Variants in SARAF observed in about 807,000 individuals in gnomAD.
SARAF encodes the protein store-operated calcium entry associated regulatory factor.
SARAF carries 23 observed loss-of-function variants against 39.7 expected under a neutral mutation model. That is an observed-to-expected ratio of 0.58 (90% CI 0.42 to 0.82). The LOEUF is 0.82. Ranked by LOEUF, SARAF falls within the 40% of genes least tolerant of loss-of-function variation. The pLI, the probability that SARAF is intolerant of heterozygous loss-of-function variation, is 0.00. For synonymous variants in SARAF, 175 were observed against 168.5 expected (o/e 1.04, Z -0.30); for missense variants, 384 against 418.5 (o/e 0.92, Z 0.72).
At position 30,066,074 on chromosome 8, in the gene SARAF, C is replaced by T. The variant is rs1247783917; in HGVS notation, c.908G>A (p.Trp303Ter). The T allele has an allele frequency of 6.2e-7, 1 of 1,614,078 alleles. No homozygotes were observed. ...PSYPPSYPGT[W>*]NRAYSPLHGG... is the part of the protein sequence containing the mutation. Reference sequence around the variant, plus strand: ...ATGAAGGGGTGAGTAAGCCCTATTCCACGTGCCAGGGTAGGAGGGAGGATA... The same window carrying T: ...ATGAAGGGGTGAGTAAGCCCTATTCTACGTGCCAGGGTAGGAGGGAGGATA... The change falls in exon 5 of 6, where the codon TGG becomes TAG. Residue 303 changes from tryptophan (W) to a stop codon, truncating the protein, a stop_gained. Transcript: ENST00000256255. LOFTEE classifies it high-confidence loss of function.
chr8:30,078,324 C>T (rs896251027), intron 1 of SARAF: 3 of 427,660 alleles, frequency 7.0e-6, no homozygotes, highest in African/African-American at 6.3e-5. Flanking sequence ...AGTTCCCACA[C>T]TGAAGGACTT....
chr8:30,069,926 G>A lies in SARAF; in HGVS notation c.416C>T (p.Thr139Ile), dbSNP rs1461587358. ...CTTCAGTTTCTGCAGGCCAAGTTCT[G>A]TATAATCTAAATTATACTCCAAGCC... is the stretch of plus-strand genomic sequence containing the variant. ...SCGLEYNLDYTELGLQKLKES... is the reference protein window; with the variant it reads ...SCGLEYNLDYIELGLQKLKES... The change falls in exon 3 of 6, where the codon ACA (threonine) becomes ATA (isoleucine). Residue 139 changes from threonine (T) to isoleucine (I), a missense_variant. Coordinates refer to ENST00000256255, the MANE Select transcript of SARAF (RefSeq NM_016127.6). The A allele has an allele frequency of 1.2e-6, 2 of 1,613,826 alleles. No homozygotes were observed. The highest frequency in any genetic ancestry group is 1.7e-6 in the Non-Finnish European group (2 of 1,180,048).
At position 30,066,048 on chromosome 8, in the gene SARAF, C is replaced by G. The variant is rs761352075; in HGVS notation, c.934G>C (p.Gly312Arg). The G allele has an allele frequency of 4.3e-6, 7 of 1,613,938 alleles. No individual in the cohort carries two copies. The highest frequency in any genetic ancestry group is 4.2e-6 in the Non-Finnish European group (5 of 1,180,030). The change falls in exon 5 of 6, where the codon GGA (glycine) becomes CGA (arginine). Residue 312 changes from glycine to arginine, a missense_variant. Physicochemically the swap from Gly to Arg is moderately radical, Grantham distance 125. Coordinates refer to ENST00000256255, the MANE Select transcript of SARAF (RefSeq NM_016127.6). Reference sequence around the variant, plus strand: ...CATACCGAATAGCTGCCCGAGCCTCCATGAAGGGGTGAGTAAGCCCTATTC... The same window carrying G: ...CATACCGAATAGCTGCCCGAGCCTCGATGAAGGGGTGAGTAAGCCCTATTC... The part of the protein sequence containing the change: ...TWNRAYSPLH[G>R]GSGSYSVCSN...
chr8:30,073,162 A>T (rs952588632), intron 2 of SARAF, among the ~76,000 whole-genome samples: 22 of 152,362 alleles, frequency 1.4e-4, no homozygotes, highest in African/African-American at 4.3e-4. Context: ...GTTGTATCAA[A>T]CAAGAATATC....
At chr8:30,082,386 A>G (rs1039242934) in intron 1 of SARAF, 3 of 154,036 alleles carry the variant, frequency 1.9e-5, no homozygotes, top group African/African-American at 7.3e-5. Context: ...CAGACCTGCG[A>G]GGTCTGCAGC....
In SARAF at chr8:30,075,991, C is replaced by CA. The variant is rs1300124776; in HGVS notation, c.104-1937dup. On this transcript the variant is annotated intron_variant, in intron 1 of 5. Transcript: ENST00000256255. ...ACATAACAGAATCCCTAAAAAAAAA[C>CA]AAAAAAAAAAAAACAAAAAACGGGA... is the stretch of plus-strand genomic sequence containing the variant. Among the ~76,000 whole-genome samples the CA allele has an allele frequency of 1.3e-3, 39 of 31,006 alleles. 1 individual carries two copies. Among genetic ancestry groups the CA allele is most frequent in the African/African-American group, 3.2e-3 (33 of 10,448 alleles). The allele number at this position is 31,006 out of a possible 152,430, so 20.3% of individuals were successfully genotyped here. A position where few individuals can be genotyped will look rare whatever the true frequency, so the allele number is the denominator to read the frequency against.
At chr8:30,073,776 G>C in intron 2 of SARAF, 101 bp downstream of exon 2, 1 of 1,016,180 alleles carries the variant, frequency 9.8e-7, no homozygotes, top group Non-Finnish European at 1.4e-6. Flanking sequence ...GCTGATCTGA[G>C]ATTTCCGTAG....
chr8:30,080,392 G>A (rs916713733), intron 1 of SARAF, among the ~76,000 whole-genome samples: 4 of 152,162 alleles, frequency 2.6e-5, no homozygotes, highest in Non-Finnish European at 5.9e-5. Context: ...CAGGTTTCCA[G>A]TCAAATGTCA....
In SARAF at chr8:30,063,279, T is replaced by C. The variant is rs539665773; in HGVS notation, c.*609A>G. 1 of 152,470 alleles carries C rather than the reference T, an allele frequency of 6.6e-6. No individual in the cohort carries two copies. Among genetic ancestry groups the C allele is most frequent in the Admixed American group, 6.5e-5 (1 of 15,314 alleles). 9.4% of individuals were successfully genotyped at this position (152,470 alleles called of 1,614,324 possible). ...AAGCATTTTTGCCAGCACAGAGTCA[T>C]TCACAACAACCTTCTAGATGCTTAT... is the stretch of plus-strand genomic sequence containing the variant. On this transcript the variant is annotated 3_prime_UTR_variant, in exon 6 of 6. Coordinates refer to ENST00000256255, the MANE Select transcript of SARAF (RefSeq NM_016127.6).
chr8:30,070,189 C>A, intron 2 of SARAF, 130 bp from the exon 3 acceptor site: 2 of 784,840 alleles, frequency 2.5e-6, no homozygotes, highest in Non-Finnish European at 2.0e-6. Flanking sequence ...GCGGGTGGAT[C>A]ACGCGGTCAG....
intron 3 of SARAF, among the ~76,000 whole-genome samples, chr8:30,068,618 G>C (rs1387717328): frequency 3.4e-5 from 5 of 145,998 alleles, no homozygotes; most frequent in Admixed American, 2.8e-4. Flanking sequence ...CACAAAGCTG[G>C]TCCCTGGTGC....
At chr8:30,078,338 T>C (rs1250830149) in intron 1 of SARAF, 3 of 420,978 alleles carry the variant, frequency 7.1e-6, no homozygotes, top group African/African-American at 2.1e-5. Flanking sequence ...AGGACTTGAG[T>C]TGTCATACTG....
Position 30,064,557 on chromosome 8 carries a change from ATATATTTTTTT to A in SARAF, c.995-655_995-645del, listed in dbSNP as rs1342770702. 3.0e-4 allele frequency among the ~76,000 whole-genome samples: 15 copies of A among 50,652 alleles called. 1 individual carries two copies. The highest frequency in any genetic ancestry group is 2.4e-3 in the Admixed American group (8 of 3,304). The allele number at this position is 50,652 out of a possible 152,430, so 33.2% of individuals were successfully genotyped here. A position where few individuals can be genotyped will look rare whatever the true frequency, so the allele number is the denominator to read the frequency against. On this transcript the variant is annotated intron_variant, in intron 5 of 5. Transcript: ENST00000256255. ...GCCATATATATATATATATATATAT[ATATATTTTTTT>A]TTTTTTTTTTTGAGACAGAGTTTTG... is the stretch of plus-strand genomic sequence containing the variant.
Position 30,063,013 on chromosome 8 carries a change from A to ACTTT in SARAF, c.*871_*874dup, listed in dbSNP as rs1801593917. On this transcript the variant is annotated 3_prime_UTR_variant, in exon 6 of 6. Coordinates refer to ENST00000256255, the MANE Select transcript of SARAF (RefSeq NM_016127.6). ...TTAGGGAGACAGAACTTCTGCATGA[A>ACTTT]CTTTCCCCTTTGGGAAAAAGGGTTT... is the stretch of plus-strand genomic sequence containing the variant. 6.6e-6 allele frequency: 1 copy of ACTTT among 152,196 alleles called. No individual in the cohort carries two copies. 9.4% of individuals were successfully genotyped at this position (152,196 alleles called of 1,614,324 possible).
chr8:30,073,880 T>C lies in SARAF; in HGVS notation c.279A>G (p.Val93=), dbSNP rs1160450896. The change falls in exon 2 of 6, where the codon GTA becomes GTG. Residue 93 remains valine, a synonymous_variant. Transcript: ENST00000256255. ...CQNKGWDGYD[V]QWECKTDLDI... ...CCATTACTGTAGTGGATATTACCTG[T>C]ACATCATACCCATCCCAGCCTTTGT... The C allele has an allele frequency of 1.2e-6, 2 of 1,613,896 alleles. No individual in the cohort carries two copies. The highest frequency in any genetic ancestry group is 1.7e-6 in the Non-Finnish European group (2 of 1,179,752).
chr8:30,063,910 T>C lies in SARAF; in HGVS notation c.998A>G (p.Tyr333Cys), dbSNP rs1339629855. 2 of 1,609,080 alleles carry C rather than the reference T, an allele frequency of 1.2e-6. No homozygotes were observed. The highest frequency in any genetic ancestry group is 1.7e-6 in the Non-Finnish European group (2 of 1,178,114). Residue 333 changes from tyrosine (Y) to cysteine (C), a missense_variant, in exon 6 of 6, where the codon TAT (tyrosine) becomes TGT (cysteine). Transcript: ENST00000256255. Reference protein sequence around the residue: ...SDTKTRTASGYGGTRRR With the variant: ...SDTKTRTASGCGGTRRR Reference sequence around the variant, plus strand: ...ACTTTATCGTCTCCTGGTACCACCATATCCTAGAATGAGAGGGGTAAAATT... The same window carrying C: ...ACTTTATCGTCTCCTGGTACCACCACATCCTAGAATGAGAGGGGTAAAATT...
chr8:30,079,158 C>CAAAAAAAAAAAAAAAAAAAA, intron 1 of SARAF, among the ~76,000 whole-genome samples: 1 of 54,694 alleles, frequency 1.8e-5, no homozygotes, highest in Non-Finnish European at 4.1e-5. Context: ...AACTCCATCT[C>CAAAAAAAAAAAAAAAAAAAA]AAAAAAAAAA....
Position 30,069,804 on chromosome 8 carries a change from C to T in SARAF, c.538G>A (p.Val180Met), listed in dbSNP as rs767021861. 1.1e-5 allele frequency: 18 copies of T among 1,613,972 alleles called. No individual in the cohort carries two copies. Among genetic ancestry groups the T allele is most frequent in the African/African-American group, 4.0e-5 (3 of 74,878 alleles). Residue 180 changes from valine (V) to methionine (M), a missense_variant, in exon 3 of 6, where the codon GTG (valine) becomes ATG (methionine). Coordinates refer to ENST00000256255, the MANE Select transcript of SARAF (RefSeq NM_016127.6). Reference protein sequence around the residue: ...SCNMSGLITIVVLLGIAFVVY... With the variant: ...SCNMSGLITIMVLLGIAFVVY... ...ACAAACGCGATCCCAAGGAGTACCACAATGGTAATCAATCCACTCATGTTA... is the reference window on the plus strand; with the variant it reads ...ACAAACGCGATCCCAAGGAGTACCATAATGGTAATCAATCCACTCATGTTA...
chr8:30,064,691 T>C lies in SARAF; in HGVS notation c.995-778A>G, dbSNP rs7826825. ...GATTCTCCTGCCTCACCCTCCCAAA[T>C]AGCTGGGATTACAGGCATGTGCCAC... On this transcript the variant is annotated intron_variant, in intron 5 of 5. Coordinates refer to ENST00000256255, the MANE Select transcript of SARAF (RefSeq NM_016127.6). 5.1e-3 allele frequency among the ~76,000 whole-genome samples: 773 copies of C among 150,890 alleles called. 3 individuals carry two copies. Among genetic ancestry groups the C allele is most frequent in the African/African-American group, 0.018 (731 of 41,060 alleles).
Sources: allele counts gnomAD v4.1 joint callset (sites outside exome capture counted in the v4.1 genomes callset), GRCh38; gene constraint gnomAD v4.1.1; transcripts MANE v1.5; gene names NCBI Gene and HGNC (gene_info 2026-07-23, HGNC 2026-07-21).